OR5W2: variants seen among roughly 807,000 people sequenced by gnomAD.
OR5W2 encodes the protein olfactory receptor family 5 subfamily W member 2.
For missense variants in OR5W2, 444 were observed against 357.1 expected, an observed-to-expected ratio of 1.24 and a Z score of -1.96; for synonymous variants, 164 against 138.2, an observed-to-expected ratio of 1.19 and a Z score of -1.31.
chr11:55,914,554 G>A lies in OR5W2; in HGVS notation c.29C>T (p.Thr10Ile), dbSNP rs1854922880. MDWENCSSL[T>I]DFFLLGITNN... ...GGTAATTCCCAAGAGAAAAAAATCA[G>A]TTAATGAGGAGCAATTTTCCCAGTC... The change falls in exon 1 of 1, where the codon ACT (threonine) becomes ATT (isoleucine). Residue 10 changes from threonine (T) to isoleucine (I), a missense_variant. Coordinates refer to ENST00000344514, the MANE Select transcript of OR5W2 (RefSeq NM_001001960.1). 1.2e-6 allele frequency: 2 copies of A among 1,602,882 alleles called. No homozygotes were observed. Among genetic ancestry groups the A allele is most frequent in the African/African-American group, 1.3e-5 (1 of 74,510 alleles).
In OR5W2 at chr11:55,914,332, T is replaced by A. The variant is rs781099779; in HGVS notation, c.251A>T (p.Asp84Val). ...TATTGACTTGTTCTTGGCAAGTAGA[T>A]CTACCAGCATCTTGGGCCCAGTTGC... is the stretch of plus-strand genomic sequence containing the variant. ...STATGPKMLV[D>V]LLAKNKSIPF... Residue 84 changes from aspartate to valine, a missense_variant, in exon 1 of 1, where the codon GAT becomes GTT. Transcript: ENST00000344514. The A allele has an allele frequency of 2.5e-6, 4 of 1,614,130 alleles. No homozygotes were observed. Among genetic ancestry groups the A allele is most frequent in the Non-Finnish European group, 3.4e-6 (4 of 1,180,010 alleles).
chr11:55,914,351 C>G lies in OR5W2; in HGVS notation c.232G>C (p.Gly78Arg). The G allele has an allele frequency of 1.2e-6, 2 of 1,613,922 alleles. No homozygotes were observed. The highest frequency in any genetic ancestry group is 4.5e-5 in the East Asian group (2 of 44,876). The stretch of plus-strand genomic sequence containing the variant: ...AGTAGATCTACCAGCATCTTGGGCC[C>G]AGTTGCAGTAGAATAGCAGAGATCA... ...FCDLCYSTAT[G>R]PKMLVDLLAK... Residue 78 changes from glycine to arginine, a missense_variant, in exon 1 of 1, where the codon GGG becomes CGG. Physicochemically the swap from Gly to Arg is moderately radical, Grantham distance 125. Transcript: ENST00000344514.
chr11:55,914,340 C>T lies in OR5W2; in HGVS notation c.243G>A (p.Met81Ile), dbSNP rs748032079. The change falls in exon 1 of 1, where the codon ATG becomes ATA. Residue 81 changes from methionine to isoleucine, a missense_variant. By Grantham distance (10) the Met-to-Ile change is conservative (BLOSUM62 1). Coordinates refer to ENST00000344514, the MANE Select transcript of OR5W2 (RefSeq NM_001001960.1). Reference protein sequence around the residue: ...LCYSTATGPKMLVDLLAKNKS... With the variant: ...LCYSTATGPKILVDLLAKNKS... ...TGTTCTTGGCAAGTAGATCTACCAG[C>T]ATCTTGGGCCCAGTTGCAGTAGAAT... The T allele has an allele frequency of 1.2e-6, 2 of 1,614,112 alleles. No homozygotes were observed. Among genetic ancestry groups the T allele is most frequent in the Non-Finnish European group, 1.7e-6 (2 of 1,179,970 alleles).
chr11:55,914,196 G>T lies in OR5W2; in HGVS notation c.387C>A (p.Pro129=). 1 of 1,614,112 alleles carries T rather than the reference G, an allele frequency of 6.2e-7. No homozygotes were observed. The change falls in exon 1 of 1, where the codon CCC becomes CCA. Residue 129 remains proline, a synonymous_variant. Coordinates refer to ENST00000344514, the MANE Select transcript of OR5W2 (RefSeq NM_001001960.1). ...TAGACATGTTGACTGTATAGAGCAG[G>T]GGGTTGATGATGGCCTTGTACCGAT... The part of the protein sequence containing the change: ...AFDRYKAIIN[P]LLYTVNMSSR...
rs768645099 is a variant in OR5W2 at position 55,913,865 on chromosome 11, T to C, written c.718A>G (p.Thr240Ala). 2 of 1,613,776 alleles carry C rather than the reference T, an allele frequency of 1.2e-6. No individual in the cohort carries two copies. The highest frequency in any genetic ancestry group is 1.3e-5 in the African/African-American group (1 of 74,908). The change falls in exon 1 of 1, where the codon ACA (threonine) becomes GCA (alanine). Residue 240 changes from threonine (T) to alanine (A), a missense_variant. Transcript: ENST00000344514. ...ACCGCAGATAAGTGGGAAGTGCATGTAGAGAGAGCTTTGAACCTCCCCTCA... is the reference window on the plus strand; with the variant it reads ...ACCGCAGATAAGTGGGAAGTGCATGCAGAGAGAGCTTTGAACCTCCCCTCA... ...SAEGRFKALS[T>A]CTSHLSAVAI... is the part of the protein sequence containing the mutation.
At position 55,913,720 on chromosome 11, in the gene OR5W2, A is replaced by G. The variant is rs1854907374; in HGVS notation, c.863T>C (p.Leu288Pro). The change falls in exon 1 of 1, where the codon CTG (leucine) becomes CCG (proline). Residue 288 changes from leucine to proline, a missense_variant. Physicochemically the swap from Leu to Pro is moderately conservative, Grantham distance 98. Coordinates refer to ENST00000344514, the MANE Select transcript of OR5W2 (RefSeq NM_001001960.1). ...YTLVVPMLNP[L>P]IYSLRNKDVK... ...ATCCTTGTTCCTCAGGCTATAAATC[A>G]GGGGGTTCAACATGGGAACCACAAG... 6.2e-7 allele frequency: 1 copy of G among 1,613,984 alleles called. No homozygotes were observed. The highest frequency in any genetic ancestry group is 2.2e-5 in the East Asian group (1 of 44,872).
Position 55,914,306 on chromosome 11 carries a change from G to C in OR5W2, c.277C>G (p.Pro93Ala). 6.2e-7 allele frequency: 1 copy of C among 1,614,154 alleles called. No homozygotes were observed. The highest frequency in any genetic ancestry group is 8.5e-7 in the Non-Finnish European group (1 of 1,180,034). The change falls in exon 1 of 1, where the codon CCC (proline) becomes GCC (alanine). Residue 93 changes from proline to alanine, a missense_variant. Coordinates refer to ENST00000344514, the MANE Select transcript of OR5W2 (RefSeq NM_001001960.1). Reference protein sequence around the residue: ...VDLLAKNKSIPFYGCALQFLV... With the variant: ...VDLLAKNKSIAFYGCALQFLV... ...AATTGCAGAGCACAGCCATAGAAGGGTATTGACTTGTTCTTGGCAAGTAGA... is the reference window on the plus strand; with the variant it reads ...AATTGCAGAGCACAGCCATAGAAGGCTATTGACTTGTTCTTGGCAAGTAGA...
In OR5W2 at chr11:55,913,717, A is replaced by G; in HGVS notation, c.866T>C (p.Ile289Thr). ...CACATCCTTGTTCCTCAGGCTATAA[A>G]TCAGGGGGTTCAACATGGGAACCAC... ...TLVVPMLNPL[I>T]YSLRNKDVKE... Residue 289 changes from isoleucine (I) to threonine (T), a missense_variant, in exon 1 of 1, where the codon ATT (isoleucine) becomes ACT (threonine). Physicochemically the swap from Ile to Thr is moderately conservative, Grantham distance 89. Coordinates refer to ENST00000344514, the MANE Select transcript of OR5W2 (RefSeq NM_001001960.1). 2.5e-6 allele frequency: 4 copies of G among 1,614,080 alleles called. No homozygotes were observed. The highest frequency in any genetic ancestry group is 3.4e-6 in the Non-Finnish European group (4 of 1,179,958).
chr11:55,913,732 A>G lies in OR5W2; in HGVS notation c.851T>C (p.Met284Thr), dbSNP rs1183905638. ...TSLFYTLVVPMLNPLIYSLRN... is the reference protein window; with the variant it reads ...TSLFYTLVVPTLNPLIYSLRN... The stretch of plus-strand genomic sequence containing the variant: ...CAGGCTATAAATCAGGGGGTTCAAC[A>G]TGGGAACCACAAGGGTGTAAAACAA... Residue 284 changes from methionine to threonine, a missense_variant, in exon 1 of 1, where the codon ATG becomes ACG. By Grantham distance (81) the Met-to-Thr change is moderately conservative (BLOSUM62 -1). Coordinates refer to ENST00000344514, the MANE Select transcript of OR5W2 (RefSeq NM_001001960.1). 1.8e-5 allele frequency: 29 copies of G among 1,613,950 alleles called. No homozygotes were observed. The highest frequency in any genetic ancestry group is 2.4e-5 in the Non-Finnish European group (28 of 1,179,904).
In OR5W2 at chr11:55,913,999, T is replaced by C; in HGVS notation, c.584A>G (p.Asn195Ser). 1 of 1,613,290 alleles carries C rather than the reference T, an allele frequency of 6.2e-7. No homozygotes were observed. Among genetic ancestry groups the C allele is most frequent in the Non-Finnish European group, 8.5e-7 (1 of 1,179,226 alleles). The change falls in exon 1 of 1, where the codon AAT becomes AGT. Residue 195 changes from asparagine (N) to serine (S), a missense_variant. Asn to Ser is a conservative substitution (Grantham distance 46). Transcript: ENST00000344514. ...AAAGACGGTGAATAACACTAACTCA[T>C]TGACCTGTGTATCTGAGCGAGAGAG... ...LLLSRSDTQV[N>S]ELVLFTVFGF...
rs777116720 is a variant in OR5W2, at chr11:55,914,374, T to C, written c.209A>G (p.Asp70Gly). The C allele has an allele frequency of 8.7e-6, 14 of 1,613,986 alleles. No individual in the cohort carries two copies. The highest frequency in any genetic ancestry group is 1.1e-5 in the Non-Finnish European group (13 of 1,179,840). ...CCCAGTTGCAGTAGAATAGCAGAGA[T>C]CACAGAAAGACAGATGACTGAGGAA... ...YFFLSHLSFC[D>G]LCYSTATGPK... Residue 70 changes from aspartate to glycine, a missense_variant, in exon 1 of 1, where the codon GAT becomes GGT. Coordinates refer to ENST00000344514, the MANE Select transcript of OR5W2 (RefSeq NM_001001960.1).
Position 55,914,151 on chromosome 11 carries a change from G to A in OR5W2, c.432C>T (p.Leu144=), listed in dbSNP as rs558624684. ...VNMSSRVCYL[L]LTGVYLVGIA... is the part of the protein sequence containing the mutation. ...TTCCCACCAGATAAACCCCAGTCAA[G>A]AGTAGATAGCACACTCTGCTAGACA... The change falls in exon 1 of 1, where the codon CTC becomes CTT. Residue 144 remains leucine (L), a synonymous_variant. Coordinates refer to ENST00000344514, the MANE Select transcript of OR5W2 (RefSeq NM_001001960.1). 1.2e-6 allele frequency: 2 copies of A among 1,613,982 alleles called. No individual in the cohort carries two copies. The highest frequency in any genetic ancestry group is 2.2e-5 in the East Asian group (1 of 44,870).
chr11:55,914,411 G>C lies in OR5W2; in HGVS notation c.172C>G (p.Pro58Ala). 1.2e-6 allele frequency: 2 copies of C among 1,613,844 alleles called. No homozygotes were observed. The highest frequency in any genetic ancestry group is 1.7e-6 in the Non-Finnish European group (2 of 1,179,718). ...AGATGACTGAGGAAGAAATACATTG[G>C]TGTGTGAAGTTGGTAATCCATTCTG... ...LIRMDYQLHT[P>A]MYFFLSHLSF... The change falls in exon 1 of 1, where the codon CCA (proline) becomes GCA (alanine). Residue 58 changes from proline to alanine, a missense_variant. By Grantham distance (27) the Pro-to-Ala change is conservative. Coordinates refer to ENST00000344514, the MANE Select transcript of OR5W2 (RefSeq NM_001001960.1).
At position 55,914,358 on chromosome 11, in the gene OR5W2, A is replaced by T; in HGVS notation, c.225T>A (p.Thr75=). Residue 75 remains threonine, a synonymous_variant, in exon 1 of 1, where the codon ACT becomes ACA. Transcript: ENST00000344514. ...HLSFCDLCYS[T]ATGPKMLVDL... ...CTACCAGCATCTTGGGCCCAGTTGC[A>T]GTAGAATAGCAGAGATCACAGAAAG... 6.2e-7 allele frequency: 1 copy of T among 1,614,004 alleles called. No individual in the cohort carries two copies. The highest frequency in any genetic ancestry group is 8.5e-7 in the Non-Finnish European group (1 of 1,179,826).
In OR5W2 at chr11:55,914,251, T is replaced by C. The variant is rs2134564962; in HGVS notation, c.332A>G (p.Glu111Gly). Residue 111 changes from glutamate to glycine, a missense_variant, in exon 1 of 1, where the codon GAG (glutamate) becomes GGG (glycine). Physicochemically the swap from Glu to Gly is moderately conservative, Grantham distance 98. Transcript: ENST00000344514. The stretch of plus-strand genomic sequence containing the variant: ...GGCCATCACTGACAGCAGTAGACAC[T>C]CAGAATCTGCAAAGATACAGAAGAC... ...FLVFCIFADS[E>G]CLLLSVMAFD... 1 of 1,613,938 alleles carries C rather than the reference T, an allele frequency of 6.2e-7. No homozygotes were observed.
Position 55,914,365 on chromosome 11 carries a change from T to C in OR5W2, c.218A>G (p.Tyr73Cys). ...CATCTTGGGCCCAGTTGCAGTAGAA[T>C]AGCAGAGATCACAGAAAGACAGATG... is the stretch of plus-strand genomic sequence containing the variant. Reference protein sequence around the residue: ...LSHLSFCDLCYSTATGPKMLV... With the variant: ...LSHLSFCDLCCSTATGPKMLV... The change falls in exon 1 of 1, where the codon TAT (tyrosine) becomes TGT (cysteine). Residue 73 changes from tyrosine (Y) to cysteine (C), a missense_variant. Physicochemically the swap from Tyr to Cys is radical, Grantham distance 194. Transcript: ENST00000344514. The C allele has an allele frequency of 1.2e-6, 2 of 1,613,898 alleles. No individual in the cohort carries two copies. Among genetic ancestry groups the C allele is most frequent in the Non-Finnish European group, 1.7e-6 (2 of 1,179,764 alleles).
chr11:55,914,188 T>G lies in OR5W2; in HGVS notation c.395A>C (p.Tyr132Ser), dbSNP rs115502637. The G allele has an allele frequency of 1.0e-3, 1,693 of 1,614,044 alleles. 27 individuals carry two copies. In the African/African-American group the frequency reaches 0.02, roughly 19 times the overall value. The change falls in exon 1 of 1, where the codon TAT becomes TCT. Residue 132 changes from tyrosine (Y) to serine (S), a missense_variant. By Grantham distance (144) the Tyr-to-Ser change is moderately radical. Transcript: ENST00000344514. Reference protein sequence around the residue: ...RYKAIINPLLYTVNMSSRVCY... With the variant: ...RYKAIINPLLSTVNMSSRVCY... Reference sequence around the variant, plus strand: ...CACTCTGCTAGACATGTTGACTGTATAGAGCAGGGGGTTGATGATGGCCTT... The same window carrying G: ...CACTCTGCTAGACATGTTGACTGTAGAGAGCAGGGGGTTGATGATGGCCTT...
chr11:55,914,439 T>A lies in OR5W2; in HGVS notation c.144A>T (p.Leu48Phe), dbSNP rs753778172. 4.3e-6 allele frequency: 7 copies of A among 1,613,826 alleles called. No individual in the cohort carries two copies. The South Asian group carries it at 6.6e-5, about 15-fold the overall frequency. Reference protein sequence around the residue: ...NFSANLGMIVLIRMDYQLHTP... With the variant: ...NFSANLGMIVFIRMDYQLHTP... Reference sequence around the variant, plus strand: ...TGTGAAGTTGGTAATCCATTCTGATTAAAACTATCATTCCAAGATTTGCTG... The same window carrying A: ...TGTGAAGTTGGTAATCCATTCTGATAAAAACTATCATTCCAAGATTTGCTG... Residue 48 changes from leucine (L) to phenylalanine (F), a missense_variant, in exon 1 of 1, where the codon TTA becomes TTT. Physicochemically the swap from Leu to Phe is conservative, Grantham distance 22 (BLOSUM62 0). Coordinates refer to ENST00000344514, the MANE Select transcript of OR5W2 (RefSeq NM_001001960.1).
At position 55,913,821 on chromosome 11, in the gene OR5W2, A is replaced by T; in HGVS notation, c.762T>A (p.Thr254=). The T allele has an allele frequency of 6.2e-7, 1 of 1,614,182 alleles. No individual in the cohort carries two copies. The highest frequency in any genetic ancestry group is 8.5e-7 in the Non-Finnish European group (1 of 1,180,022). The change falls in exon 1 of 1, where the codon ACT becomes ACA. Residue 254 remains threonine (T), a synonymous_variant. Coordinates refer to ENST00000344514, the MANE Select transcript of OR5W2 (RefSeq NM_001001960.1). ...TTGGCCGGAAATACATAAAGAGCAGAGTTCCCTGGAAAATTGCAACCGCAG... is the reference window on the plus strand; with the variant it reads ...TTGGCCGGAAATACATAAAGAGCAGTGTTCCCTGGAAAATTGCAACCGCAG... ...HLSAVAIFQG[T]LLFMYFRPSS...
Sources: allele counts gnomAD v4.1 joint callset, GRCh38; gene constraint gnomAD v4.1.1; transcripts MANE v1.5; gene names NCBI Gene and HGNC (gene_info 2026-07-23, HGNC 2026-07-21).